Variants in CTNNA3 observed in about 807,000 individuals in gnomAD.
CTNNA3 encodes the protein catenin alpha 3.
A neutral mutation model predicts 95.7 loss-of-function variants in CTNNA3; 76 were observed. The observed-to-expected ratio is 0.79, with a 90% CI of 0.66 to 0.96. CTNNA3 has a LOEUF of 0.96. Among genes scored for constraint, CTNNA3 ranks in the 40% least tolerant of loss-of-function variants. The pLI, the probability that CTNNA3 is intolerant of heterozygous loss-of-function variation, is 0.00. For missense variants in CTNNA3, 1,191 were observed against 1,089.8 expected (o/e 1.09, Z -1.31); for synonymous variants, 431 against 374.4 (o/e 1.15, Z -1.74).
chr10:66,182,253 T>C (rs1428473497), intron 13 of CTNNA3, among the ~76,000 whole-genome samples: 1 of 146,102 alleles, frequency 6.8e-6, no homozygotes, highest in African/African-American at 2.5e-5. Context: ...TGTGGATACA[T>C]TTCTTTTTTT....
intron 13 of CTNNA3, among the ~76,000 whole-genome samples, chr10:66,135,653 T>A (rs1031427982): frequency 1.3e-5 from 2 of 152,296 alleles, no homozygotes; most frequent in Non-Finnish European, 2.9e-5. Context: ...ACAAGGATGT[T>A]ACTATGATCT....
chr10:66,322,497 G>A, intron 12 of CTNNA3, among the ~76,000 whole-genome samples: 1 of 152,076 alleles, frequency 6.6e-6, no homozygotes. Flanking sequence ...GCTGGAATTT[G>A]TAGGGCATTG....
intron 3 of CTNNA3, among the ~76,000 whole-genome samples, chr10:67,570,594 T>C (rs10997728): frequency 0.13 from 20,204 of 152,120 alleles, 1,663 homozygotes; most frequent in East Asian, 0.31. Flanking sequence ...TGTAACCTTT[T>C]ACTAGGTGGT....
At chr10:66,637,937 A>G (rs554037212) in intron 9 of CTNNA3, among the ~76,000 whole-genome samples, 3 of 152,264 alleles carry the variant, frequency 2.0e-5, no homozygotes, top group East Asian at 1.9e-4. Flanking sequence ...CCATCCCTGC[A>G]TAAAACCACA....
chr10:66,482,327 A>G (rs1448999227), intron 11 of CTNNA3, among the ~76,000 whole-genome samples: 1 of 152,146 alleles, frequency 6.6e-6, no homozygotes, highest in African/African-American at 2.4e-5. Context: ...GAGTATGACT[A>G]TCTTTAACTA....
intron 1 of CTNNA3, chr10:67,750,377 G>T: frequency 4.7e-6 from 7 of 1,496,586 alleles, no homozygotes; most frequent in Non-Finnish European, 5.6e-6. Flanking sequence ...GAAAGAAGTG[G>T]TGAAGGTGGC....
intron 7 of CTNNA3, among the ~76,000 whole-genome samples, chr10:67,156,988 G>C (rs948299614): frequency 2.6e-5 from 4 of 152,034 alleles, no homozygotes; most frequent in Admixed American, 2.0e-4. Flanking sequence ...TATATTTATA[G>C]TTGCTGTATC....
At chr10:66,468,580 T>C (rs1323788480) in intron 11 of CTNNA3, among the ~76,000 whole-genome samples, 1 of 151,962 alleles carries the variant, frequency 6.6e-6, no homozygotes, top group Non-Finnish European at 1.5e-5. Flanking sequence ...GATATTGTAT[T>C]GTATCTTTCA....
At chr10:66,217,320 T>G (rs1266379006) in intron 13 of CTNNA3, among the ~76,000 whole-genome samples, 3 of 147,622 alleles carry the variant, frequency 2.0e-5, no homozygotes, top group African/African-American at 7.6e-5. Context: ...GCCACTGCAC[T>G]CTAGCCTGGG....
chr10:66,889,416 G>C (rs566405908), intron 7 of CTNNA3, among the ~76,000 whole-genome samples: 2 of 152,326 alleles, frequency 1.3e-5, no homozygotes, highest in East Asian at 3.9e-4. Context: ...ATTGTAACAA[G>C]TGTACCACTC....
chr10:66,072,917 T>C (rs754600162), intron 14 of CTNNA3, among the ~76,000 whole-genome samples: 101 of 152,146 alleles, frequency 6.6e-4, no homozygotes, highest in Non-Finnish European at 2.9e-4. Context: ...GTATATACCT[T>C]GTGGAATACA....
chr10:66,007,293 C>T (rs1488874814), intron 15 of CTNNA3, among the ~76,000 whole-genome samples: 4 of 152,032 alleles, frequency 2.6e-5, no homozygotes, highest in Non-Finnish European at 4.4e-5. Context: ...CAGACGTATA[C>T]ATTATTTAAA....
At chr10:67,477,030 C>T (rs908893315) in intron 5 of CTNNA3, among the ~76,000 whole-genome samples, 2 of 151,910 alleles carry the variant, frequency 1.3e-5, no homozygotes, top group African/African-American at 4.8e-5. Context: ...AGTCAGAGCA[C>T]CTGTTAATCT....
intron 9 of CTNNA3, among the ~76,000 whole-genome samples, chr10:66,761,769 T>C (rs1839610614): frequency 6.6e-6 from 1 of 152,150 alleles, no homozygotes; most frequent in Non-Finnish European, 1.5e-5. Context: ...AAGATGTTAT[T>C]GAATTGTCAG....
intron 7 of CTNNA3, among the ~76,000 whole-genome samples, chr10:66,913,272 G>C (rs368127520): frequency 9.8e-6 from 1 of 102,392 alleles, no homozygotes; most frequent in Non-Finnish European, 2.1e-5. Context: ...AAAAGAAAAA[G>C]AAAAAAGAAA....
At position 65,972,366 on chromosome 10, in the gene CTNNA3, G is replaced by C. The variant is rs12254371; in HGVS notation, c.2266-5620C>G. ...ATCAGGCAAAATAAATAAGTAAAAG[G>C]TATCCATCTAGACAAATAAAAAGTC... On this transcript the variant is annotated intron_variant, in intron 16 of 17. Transcript: ENST00000433211. Among the ~76,000 whole-genome samples, 1,192 of 152,042 alleles carry C rather than the reference G, an allele frequency of 7.8e-3. 16 individuals are homozygous for C. The highest frequency in any genetic ancestry group is 0.024 in the African/African-American group (1,005 of 41,478).
chr10:66,121,807 C>T (rs1418698086), intron 13 of CTNNA3, among the ~76,000 whole-genome samples: 1 of 152,088 alleles, frequency 6.6e-6, no homozygotes, highest in Non-Finnish European at 1.5e-5. Flanking sequence ...CTGCACTCCA[C>T]CTGTCCAGCC....
intron 13 of CTNNA3, among the ~76,000 whole-genome samples, chr10:66,264,271 C>T (rs2091091454): frequency 6.6e-6 from 1 of 151,832 alleles, no homozygotes; most frequent in South Asian, 2.1e-4. Flanking sequence ...CACACAATGC[C>T]CCAAAACAAG....
intron 13 of CTNNA3, among the ~76,000 whole-genome samples, chr10:66,237,143 A>C (rs1003057003): frequency 2.0e-5 from 3 of 151,990 alleles, no homozygotes; most frequent in African/African-American, 7.2e-5. Flanking sequence ...ATAATAACCC[A>C]AAAAAAGAAT....
Sources: allele counts gnomAD v4.1 joint callset (sites outside exome capture counted in the v4.1 genomes callset), GRCh38; gene constraint gnomAD v4.1.1; transcripts MANE v1.5; gene names NCBI Gene and HGNC (gene_info 2026-07-23, HGNC 2026-07-21).